Variants in LSAMP observed in about 807,000 individuals in gnomAD.
The protein encoded by LSAMP is limbic system-associated membrane protein.
Under a neutral mutation model 38.6 loss-of-function variants are expected in LSAMP, and 7 were observed. The observed-to-expected ratio is 0.18, with a 90% CI of 0.10 to 0.34. LSAMP has a LOEUF of 0.34. Ranked by LOEUF, LSAMP falls within the 10% of genes least tolerant of loss-of-function variation. The pLI, the probability that LSAMP is intolerant of heterozygous loss-of-function variation, is 1.00. For synonymous variants in LSAMP, 154 were observed against 166.8 expected (o/e 0.92, Z 0.59); for missense variants, 313 against 420.0 (o/e 0.75, Z 2.23).
intron 2 of LSAMP, among the ~76,000 whole-genome samples, chr3:116,076,075 CA>C (rs1707735541): frequency 6.6e-6 from 1 of 152,058 alleles, no homozygotes; most frequent in Admixed American, 6.5e-5. Flanking sequence ...TTAATTCATT[CA>C]AAACCATTTG....
chr3:116,267,776 C>T (rs1446282526), intron 1 of LSAMP, among the ~76,000 whole-genome samples: 1 of 152,130 alleles, frequency 6.6e-6, no homozygotes, highest in East Asian at 1.9e-4. Flanking sequence ...CCCAATATTT[C>T]TTCTACCTAT....
intron 3 of LSAMP, among the ~76,000 whole-genome samples, chr3:115,950,204 A>G (rs930156864): frequency 2.0e-5 from 3 of 152,178 alleles, no homozygotes; most frequent in African/African-American, 7.2e-5. Context: ...CACCACTTCT[A>G]TTCAACATAG....
intron 1 of LSAMP, among the ~76,000 whole-genome samples, chr3:116,345,697 T>A (rs1169954499): frequency 6.6e-6 from 1 of 152,176 alleles, no homozygotes; most frequent in Non-Finnish European, 1.5e-5. Flanking sequence ...TTTATTTGTT[T>A]GTTTATACTG....
At chr3:116,398,604 T>A (rs1463448810) in intron 1 of LSAMP, among the ~76,000 whole-genome samples, 1 of 152,122 alleles carries the variant, frequency 6.6e-6, no homozygotes, top group Non-Finnish European at 1.5e-5. Context: ...GAAGAATGAA[T>A]GTGTTTGGAA....
intron 6 of LSAMP, among the ~76,000 whole-genome samples, chr3:115,831,897 G>A (rs2107485205): frequency 6.6e-6 from 1 of 152,200 alleles, no homozygotes; most frequent in East Asian, 1.9e-4. Context: ...ATGGGGGAAG[G>A]ATATTTGAAA....
At chr3:116,193,412 GAGA>G (rs757011406) in intron 1 of LSAMP, among the ~76,000 whole-genome samples, 14 of 152,202 alleles carry the variant, frequency 9.2e-5, no homozygotes, top group Non-Finnish European at 1.6e-4. Context: ...ATTCCTGGTA[GAGA>G]AGTTCAAAAA....
intron 1 of LSAMP, among the ~76,000 whole-genome samples, chr3:116,273,829 CTCTT>C (rs1278685406): frequency 6.7e-6 from 1 of 149,914 alleles, no homozygotes; most frequent in Non-Finnish European, 1.5e-5. Context: ...CTCTCTCTCT[CTCTT>C]TCGCTTTCTC....
In LSAMP at chr3:116,131,289, C is replaced by T. The variant is rs138314651; in HGVS notation, c.156-44733G>A. Reference sequence around the variant, plus strand: ...TACAGACGTGAGCCACCTCGCCCGGCCTAAGGTTCCACACTTTTATCATTT... The same window carrying T: ...TACAGACGTGAGCCACCTCGCCCGGTCTAAGGTTCCACACTTTTATCATTT... On this transcript the variant is annotated intron_variant, in intron 1 of 6. Transcript: ENST00000490035. 7.6e-4 allele frequency among the ~76,000 whole-genome samples: 116 copies of T among 151,938 alleles called. 1 individual carries two copies. The highest frequency in any genetic ancestry group is 2.5e-3 in the African/African-American group (102 of 41,414).
intron 1 of LSAMP, among the ~76,000 whole-genome samples, chr3:116,144,198 C>G (rs1308811228): frequency 1.3e-5 from 2 of 151,870 alleles, no homozygotes; most frequent in African/African-American, 4.8e-5. Flanking sequence ...TTGTGCAGGG[C>G]TTTATATATG....
intron 1 of LSAMP, among the ~76,000 whole-genome samples, chr3:116,327,791 A>G (rs1010265979): frequency 6.6e-6 from 1 of 152,178 alleles, no homozygotes; most frequent in Admixed American, 6.5e-5. Flanking sequence ...GTAAAATAAA[A>G]GAAAACAAAA....
intron 1 of LSAMP, among the ~76,000 whole-genome samples, chr3:116,291,301 C>T (rs904474919): frequency 6.6e-6 from 1 of 152,092 alleles, no homozygotes; most frequent in Admixed American, 6.6e-5. Flanking sequence ...AGGACTCTGC[C>T]ATATGGTTTG....
chr3:116,364,171 A>G (rs1446454104), intron 1 of LSAMP, among the ~76,000 whole-genome samples: 1 of 58,350 alleles, frequency 1.7e-5, no homozygotes, highest in African/African-American at 1.4e-4. Flanking sequence ...AAGTCTCAGG[A>G]TACAAAATCA....
intron 1 of LSAMP, among the ~76,000 whole-genome samples, chr3:116,320,475 T>A (rs981860076): frequency 1.3e-5 from 2 of 152,098 alleles, no homozygotes; most frequent in African/African-American, 4.8e-5. Flanking sequence ...CATTTCTCTC[T>A]TTGTACAATT....
chr3:116,108,972 C>A (rs1708534604), intron 1 of LSAMP, among the ~76,000 whole-genome samples: 2 of 152,078 alleles, frequency 1.3e-5, no homozygotes, highest in Admixed American at 1.3e-4. Flanking sequence ...GGGCCAGATT[C>A]CAATTTTTGG....
At chr3:116,403,185 A>T (rs1228591946) in intron 1 of LSAMP, among the ~76,000 whole-genome samples, 1 of 152,218 alleles carries the variant, frequency 6.6e-6, no homozygotes, top group Non-Finnish European at 1.5e-5. Flanking sequence ...TTATGCTGGA[A>T]CAAGAAGTTT....
chr3:115,919,139 C>T (rs1310960053), intron 3 of LSAMP, among the ~76,000 whole-genome samples: 1 of 152,148 alleles, frequency 6.6e-6, no homozygotes, highest in Non-Finnish European at 1.5e-5. Context: ...CACTCCTCAC[C>T]CCCACTGTCC....
chr3:116,399,745 C>G (rs2048813908), intron 1 of LSAMP, among the ~76,000 whole-genome samples: 1 of 152,150 alleles, frequency 6.6e-6, no homozygotes, highest in Non-Finnish European at 1.5e-5. Context: ...AGTTTATATC[C>G]CATTGAGCAA....
intron 1 of LSAMP, among the ~76,000 whole-genome samples, chr3:116,096,949 G>A (rs1339115444): frequency 6.6e-6 from 1 of 152,202 alleles, no homozygotes; most frequent in East Asian, 1.9e-4. Flanking sequence ...AGTTGAGAGA[G>A]GATGAGAAAC....
At position 115,908,654 on chromosome 3, in the gene LSAMP, T is replaced by C. The variant is rs181774669; in HGVS notation, c.515-56037A>G. ...GTTATCAGAGCACAAAGGAAGAACA[T>C]AGGAGGAAAAGCACAAGAGGTAGCA... is the stretch of plus-strand genomic sequence containing the variant. On this transcript the variant is annotated intron_variant, in intron 3 of 6. Transcript: ENST00000490035. Among the ~76,000 whole-genome samples the C allele has an allele frequency of 1.3e-3, 193 of 152,260 alleles. 1 individual carries two copies. The highest frequency in any genetic ancestry group is 4.4e-3 in the African/African-American group (183 of 41,558).
Sources: allele counts gnomAD v4.1 joint callset (sites outside exome capture counted in the v4.1 genomes callset), GRCh38; gene constraint gnomAD v4.1.1; transcripts MANE v1.5; gene names NCBI Gene and HGNC (gene_info 2026-07-23, HGNC 2026-07-21).